Variants in CAMLG observed in about 807,000 individuals in gnomAD.
The protein encoded by CAMLG is guided entry of tail-anchored proteins factor CAMLG.
Under a neutral mutation model 28.9 loss-of-function variants are expected in CAMLG, and 23 were observed. That is an observed-to-expected ratio of 0.80 (90% CI 0.57 to 1.13). The LOEUF (loss-of-function observed/expected upper bound fraction) is 1.13. CAMLG is among the 50% of genes most tolerant of loss of function. The pLI is 0.00. For synonymous variants in CAMLG, 141 were observed against 146.5 expected, an observed-to-expected ratio of 0.96 and a Z score of 0.27; for missense variants, 367 against 371.9, an observed-to-expected ratio of 0.99 and a Z score of 0.11.
At position 134,741,480 on chromosome 5, in the gene CAMLG, C is replaced by T. The variant is rs150821573; in HGVS notation, c.590C>T (p.Ala197Val). ...SFRIFRLVGC[A>V]LLALGVRAFV... ...CGAATATTTAGATTGGTGGGATGTG[C>T]TCTTCTTGCTCTTGGAGTCAGAGCT... Residue 197 changes from alanine to valine, a missense_variant, in exon 2 of 4, where the codon GCT becomes GTT. Transcript: ENST00000297156. The T allele has an allele frequency of 2.5e-6, 4 of 1,613,250 alleles. No individual in the cohort carries two copies. Among genetic ancestry groups the T allele is most frequent in the African/African-American group, 2.7e-5 (2 of 75,040 alleles).
At chr5:134,738,899 C>G (rs1264715915) in intron 1 of CAMLG, 107 bp downstream of exon 1, 3 of 1,104,802 alleles carry the variant, frequency 2.7e-6, no homozygotes, top group Non-Finnish European at 4.0e-6. Context: ...CCAAGCCTTG[C>G]TCTTTGATTT....
intron 3 of CAMLG, among the ~76,000 whole-genome samples, chr5:134,748,725 G>C (rs1435050375): frequency 6.6e-6 from 1 of 152,140 alleles, no homozygotes; most frequent in Admixed American, 6.6e-5. Flanking sequence ...GGCAGTCCCA[G>C]TCCCTATACC....
intron 3 of CAMLG, 68 bp from the exon 4 acceptor site, chr5:134,750,691 A>G: frequency 2.8e-6 from 3 of 1,077,568 alleles, no homozygotes; most frequent in Admixed American, 4.2e-5. Context: ...AGTACTGATC[A>G]TGTTTGTATA....
At chr5:134,749,974 G>C (rs1271274301) in intron 3 of CAMLG, among the ~76,000 whole-genome samples, 2 of 152,132 alleles carry the variant, frequency 1.3e-5, no homozygotes, top group African/African-American at 4.8e-5. Context: ...CAAAGTGCTG[G>C]GATTAGAGGC....
At chr5:134,743,231 C>T (rs763496927) in intron 2 of CAMLG, among the ~76,000 whole-genome samples, 5 of 151,976 alleles carry the variant, frequency 3.3e-5, no homozygotes, top group South Asian at 2.1e-4. Flanking sequence ...TCTGGGTGAC[C>T]GAGATGTTAC....
In CAMLG at chr5:134,741,535, T is replaced by C. The variant is rs771782168; in HGVS notation, c.633+12T>C. 3 of 1,525,856 alleles carry C rather than the reference T, an allele frequency of 2.0e-6. No homozygotes were observed. The highest frequency in any genetic ancestry group is 2.7e-6 in the Non-Finnish European group (3 of 1,112,108). The allele number at this position is 1,525,856 out of a possible 1,614,324, so 94.5% of individuals were successfully genotyped here. On this transcript the variant is annotated intron_variant, in intron 2 of 3. Transcript: ENST00000297156. Reference sequence around the variant, plus strand: ...TTTGCAAATACTTGGTAAGAAAAGATCTGTAAATTATTAACTAACTTAATG... The same window carrying C: ...TTTGCAAATACTTGGTAAGAAAAGACCTGTAAATTATTAACTAACTTAATG...
At position 134,750,898 on chromosome 5, in the gene CAMLG, C is replaced by G; in HGVS notation, c.839C>G (p.Thr280Ser). The G allele has an allele frequency of 6.2e-7, 1 of 1,613,616 alleles. No homozygotes were observed. Among genetic ancestry groups the G allele is most frequent in the South Asian group, 1.1e-5 (1 of 91,074 alleles). ...VFTDLCVYFFTFIFCHELLDY... is the reference protein window; with the variant it reads ...VFTDLCVYFFSFIFCHELLDY... ...ACAGATCTCTGTGTCTACTTTTTCA[C>G]TTTTATCTTTTGTCATGAACTGCTT... Residue 280 changes from threonine to serine, a missense_variant, in exon 4 of 4, where the codon ACT becomes AGT. Transcript: ENST00000297156.
intron 3 of CAMLG, among the ~76,000 whole-genome samples, chr5:134,746,165 C>T (rs1753046562): frequency 7.0e-6 from 1 of 143,728 alleles, no homozygotes; most frequent in African/African-American, 2.5e-5. Flanking sequence ...AAAATTATAA[C>T]GTATCTATTC....
At chr5:134,743,650 G>A (rs997923465) in intron 2 of CAMLG, among the ~76,000 whole-genome samples, 1 of 151,510 alleles carries the variant, frequency 6.6e-6, no homozygotes, top group Non-Finnish European at 1.5e-5. Context: ...GGTGGATCAC[G>A]AGGTCAGGAG....
intron 3 of CAMLG, among the ~76,000 whole-genome samples, chr5:134,745,435 C>CAAAA (rs561389879): frequency 1.2e-5 from 1 of 81,510 alleles, no homozygotes; most frequent in African/African-American, 4.8e-5. Context: ...CGAGACTCCT[C>CAAAA]AAAAAAAAAA....
intron 2 of CAMLG, 34 bp from the exon 3 acceptor site, chr5:134,743,953 T>A: frequency 1.0e-6 from 1 of 957,060 alleles, no homozygotes; most frequent in Non-Finnish European, 1.6e-6. Context: ...ATGATTATGT[T>A]GGAAATATTT....
At chr5:134,740,559 G>T (rs182591239) in intron 1 of CAMLG, among the ~76,000 whole-genome samples, 12 of 152,248 alleles carry the variant, frequency 7.9e-5, no homozygotes, top group Non-Finnish European at 1.2e-4. Context: ...CATTTTGGGT[G>T]ATACATTTTG....
At chr5:134,738,899 C>A in intron 1 of CAMLG, 107 bp downstream of exon 1, 1 of 1,104,920 alleles carries the variant, frequency 9.1e-7, no homozygotes, top group Non-Finnish European at 1.3e-6. Flanking sequence ...CCAAGCCTTG[C>A]TCTTTGATTT....
At chr5:134,739,715 A>G (rs1343107188) in intron 1 of CAMLG, among the ~76,000 whole-genome samples, 1 of 152,188 alleles carries the variant, frequency 6.6e-6, no homozygotes, top group Non-Finnish European at 1.5e-5. Context: ...CTGAACTTTT[A>G]GGCAGTTCAA....
At chr5:134,739,620 C>G (rs1310819571) in intron 1 of CAMLG, among the ~76,000 whole-genome samples, 2 of 152,154 alleles carry the variant, frequency 1.3e-5, no homozygotes, top group Non-Finnish European at 2.9e-5. Flanking sequence ...TCCAGTGTTT[C>G]CTTTAGTAAT....
intron 2 of CAMLG, 49 bp downstream of exon 2, chr5:134,741,572 A>C (rs762120916): frequency 8.4e-7 from 1 of 1,189,308 alleles, no homozygotes; most frequent in Non-Finnish European, 1.2e-6. Flanking sequence ...AAAATGCAAA[A>C]TGTTAATAAT....
At chr5:134,750,693 G>C (rs1753102873) in intron 3 of CAMLG, 66 bp from the exon 4 acceptor site, 1 of 1,135,698 alleles carries the variant, frequency 8.8e-7, no homozygotes, top group African/African-American at 1.5e-5. Flanking sequence ...TACTGATCAT[G>C]TTTGTATAGA....
Position 134,741,442 on chromosome 5 carries a change from A to AT in CAMLG, c.555dup (p.Asp186Ter). On this transcript the variant is annotated frameshift_variant, in exon 2 of 4. Transcript: ENST00000297156. LOFTEE classifies it high-confidence loss of function. ...AAGAGGATGGAAATACAACAGAAGA[A>AT]TTTGACTCTTTTCGAATATTTAGAT... The AT allele has an allele frequency of 2.5e-6, 4 of 1,614,028 alleles. No homozygotes were observed. The highest frequency in any genetic ancestry group is 3.4e-6 in the Non-Finnish European group (4 of 1,179,882).
intron 2 of CAMLG, among the ~76,000 whole-genome samples, chr5:134,743,637 G>T (rs952109510): frequency 6.6e-6 from 1 of 151,768 alleles, no homozygotes; most frequent in African/African-American, 2.4e-5. Context: ...GGAGGCCGAG[G>T]TGGGTGGATC....
Sources: gnomAD v4.1 joint callset for allele counts (sites outside exome capture counted in the v4.1 genomes callset) on GRCh38, gnomAD v4.1.1 for gene constraint, MANE v1.5 for transcripts, NCBI Gene and HGNC (gene_info 2026-07-23, HGNC 2026-07-21) for gene names.